MDGA2: variants seen among roughly 807,000 people sequenced by gnomAD.
The protein encoded by MDGA2 is MAM domain-containing glycosylphosphatidylinositol anchor protein 2.
Under a neutral mutation model 117.8 loss-of-function variants are expected in MDGA2, and 40 were observed. The ratio of observed to expected loss-of-function variants is 0.34; its 90% confidence interval spans 0.26 to 0.44. MDGA2 has a LOEUF of 0.44. Ranked by LOEUF, MDGA2 falls within the 20% of genes least tolerant of loss-of-function variation. The pLI is 1.00. For missense variants in MDGA2, 1,123 were observed against 1,250.6 expected, an observed-to-expected ratio of 0.90 and a Z score of 1.54; for synonymous variants, 452 against 439.0, an observed-to-expected ratio of 1.03 and a Z score of -0.37.
At chr14:47,287,257 T>C (rs1406370687) in intron 2 of MDGA2, among the ~76,000 whole-genome samples, 1 of 151,920 alleles carries the variant, frequency 6.6e-6, no homozygotes, top group Admixed American at 6.6e-5. Flanking sequence ...TGGGAAGAGG[T>C]GACAAATAAG....
chr14:46,859,843 ATGT>A (rs1881436827), intron 14 of MDGA2, among the ~76,000 whole-genome samples: 1 of 152,152 alleles, frequency 6.6e-6, no homozygotes, highest in Non-Finnish European at 1.5e-5. Flanking sequence ...TTTACATATA[ATGT>A]AGTATATAAA....
At position 47,438,680 on chromosome 14, in the gene MDGA2, A is replaced by T. The variant is rs529592597; in HGVS notation, c.281-137130T>A. Among the ~76,000 whole-genome samples the T allele has an allele frequency of 2.2e-4, 34 of 152,218 alleles. No individual in the cohort carries two copies. The South Asian group carries it at 6.4e-3, about 29-fold the overall frequency. On this transcript the variant is annotated intron_variant, in intron 1 of 16. Transcript: ENST00000399232. ...AAGGAGGAAATGTCAGCAATGCAAAAAGCAAAAGAAGAACCAGACCAATTG... is the reference window on the plus strand; with the variant it reads ...AAGGAGGAAATGTCAGCAATGCAAATAGCAAAAGAAGAACCAGACCAATTG...
chr14:47,451,479 C>T (rs1411665122), intron 1 of MDGA2, among the ~76,000 whole-genome samples: 1 of 151,970 alleles, frequency 6.6e-6, no homozygotes, highest in African/African-American at 2.4e-5. Flanking sequence ...GGATATGATT[C>T]TGGGAAAAGA....
At chr14:47,195,595 C>T (rs1168101222) in intron 3 of MDGA2, among the ~76,000 whole-genome samples, 3 of 151,920 alleles carry the variant, frequency 2.0e-5, no homozygotes, top group African/African-American at 7.2e-5. Context: ...ATTTGCAAAA[C>T]TGAAAATCAT....
At chr14:46,968,643 C>T (rs1886132342) in intron 8 of MDGA2, among the ~76,000 whole-genome samples, 1 of 151,642 alleles carries the variant, frequency 6.6e-6, no homozygotes, top group Admixed American at 6.6e-5. Flanking sequence ...ACCAGCTTGG[C>T]CAACATGGTG....
chr14:47,035,216 G>C lies in MDGA2; in HGVS notation c.1614C>G (p.Gly538=). 1 of 1,614,162 alleles carries C rather than the reference G, an allele frequency of 6.2e-7. No homozygotes were observed. The highest frequency in any genetic ancestry group is 8.5e-7 in the Non-Finnish European group (1 of 1,180,014). ...DTIELQCQVT[G]KPKPIILWSR... ...ACCAAAGGATGATTGGTTTAGGTTT[G>C]CCAGTTACTTGACATTGCAGTTCTA... Residue 538 remains glycine (G), a synonymous_variant, in exon 8 of 17, where the codon GGC becomes GGG. Transcript: ENST00000399232.
intron 1 of MDGA2, among the ~76,000 whole-genome samples, chr14:47,559,509 A>C (rs1895753425): frequency 6.6e-6 from 1 of 151,706 alleles, no homozygotes; most frequent in Admixed American, 6.6e-5. Flanking sequence ...ATTTGGGTTA[A>C]TCTCGTGTCT....
chr14:46,923,242 A>G (rs1489465081), intron 9 of MDGA2, among the ~76,000 whole-genome samples: 1 of 152,170 alleles, frequency 6.6e-6, no homozygotes, highest in Non-Finnish European at 1.5e-5. Flanking sequence ...TGCTCTCACA[A>G]AGACTTTCCA....
At chr14:47,443,247 T>G (rs888568824) in intron 1 of MDGA2, among the ~76,000 whole-genome samples, 2 of 152,140 alleles carry the variant, frequency 1.3e-5, no homozygotes, top group Admixed American at 6.6e-5. Context: ...GCCAAAGTTA[T>G]GTCCAGAGTG....
intron 3 of MDGA2, among the ~76,000 whole-genome samples, chr14:47,172,296 G>T (rs972684869): frequency 6.6e-5 from 10 of 152,092 alleles, no homozygotes; most frequent in Middle Eastern, 3.2e-3. Context: ...AGAGAGCAGT[G>T]GTTCTCCAAG....
intron 1 of MDGA2, among the ~76,000 whole-genome samples, chr14:47,651,969 GAA>G (rs919403816): frequency 1.3e-5 from 2 of 152,140 alleles, no homozygotes; most frequent in Non-Finnish European, 2.9e-5. Context: ...GTAAAAATGT[GAA>G]AGAGACAGTT....
At chr14:46,860,050 C>A (rs1426354352) in intron 14 of MDGA2, among the ~76,000 whole-genome samples, 1 of 151,848 alleles carries the variant, frequency 6.6e-6, no homozygotes, top group Non-Finnish European at 1.5e-5. Context: ...AAGAAATTTT[C>A]TTTAATTATT....
At chr14:47,337,579 T>C (rs1405118312) in intron 1 of MDGA2, among the ~76,000 whole-genome samples, 1 of 152,006 alleles carries the variant, frequency 6.6e-6, no homozygotes, top group Non-Finnish European at 1.5e-5. Flanking sequence ...ATATAAATAC[T>C]ACTAGAGACT....
At chr14:47,163,067 T>C (rs1883708827) in intron 3 of MDGA2, among the ~76,000 whole-genome samples, 1 of 152,208 alleles carries the variant, frequency 6.6e-6, no homozygotes, top group African/African-American at 2.4e-5. Context: ...ACACTATTGA[T>C]AGGTTATTCT....
chr14:47,651,509 A>G (rs1897644047), intron 1 of MDGA2, among the ~76,000 whole-genome samples: 1 of 152,088 alleles, frequency 6.6e-6, no homozygotes, highest in African/African-American at 2.4e-5. Context: ...GTAGAGGTTC[A>G]AATTTATCTT....
intron 1 of MDGA2, among the ~76,000 whole-genome samples, chr14:47,349,622 T>C (rs1890834719): frequency 6.6e-6 from 1 of 152,214 alleles, no homozygotes; most frequent in Non-Finnish European, 1.5e-5. Flanking sequence ...TTGTTTTCAT[T>C]TTAAATTGTC....
At chr14:47,103,094 G>A (rs1880435412) in intron 5 of MDGA2, among the ~76,000 whole-genome samples, 1 of 152,098 alleles carries the variant, frequency 6.6e-6, no homozygotes, top group African/African-American at 2.4e-5. Context: ...GAGAGACGAG[G>A]TAAAAATACA....
At chr14:47,414,414 A>G (rs1892434244) in intron 1 of MDGA2, among the ~76,000 whole-genome samples, 2 of 152,194 alleles carry the variant, frequency 1.3e-5, no homozygotes, top group Admixed American at 1.3e-4. Context: ...TTCATAAAAT[A>G]TAGCTAGTAT....
intron 1 of MDGA2, among the ~76,000 whole-genome samples, chr14:47,366,234 T>G (rs1891228635): frequency 1.3e-5 from 2 of 152,004 alleles, no homozygotes; most frequent in Non-Finnish European, 2.9e-5. Context: ...ATTGGAAGAG[T>G]GCTGAATTAG....
Sources: allele counts gnomAD v4.1 joint callset (sites outside exome capture counted in the v4.1 genomes callset), GRCh38; gene constraint gnomAD v4.1.1; transcripts MANE v1.5; gene names NCBI Gene and HGNC (gene_info 2026-07-23, HGNC 2026-07-21).